UBAP2L: variants seen among roughly 807,000 people sequenced by gnomAD.
UBAP2L encodes ubiquitin-associated protein 2-like.
UBAP2L carries 12 observed loss-of-function variants against 130.6 expected under a neutral mutation model. The ratio of observed to expected loss-of-function variants is 0.09; its 90% confidence interval spans 0.06 to 0.15. The LOEUF is 0.15. UBAP2L is among the 10% of genes least tolerant of loss of function. UBAP2L has a pLI of 1.00. For missense variants in UBAP2L, 965 were observed against 1,332.5 expected (o/e 0.72, Z 4.29); for synonymous variants, 503 against 524.7 (o/e 0.96, Z 0.57).
chr1:154,235,385 C>A, intron 6 of UBAP2L, 94 bp downstream of exon 6: 2 of 616,920 alleles, frequency 3.2e-6, no homozygotes, highest in East Asian at 2.9e-5. Context: ...GAGGTAGTCT[C>A]ACTCTCACCC....
Position 154,268,948 on chromosome 1 carries a change from T to C in UBAP2L, c.3162T>C (p.Asp1054=), listed in dbSNP as rs370596774. ...SQILHHHLQQ[D]GQTGSGQRSQ... ...TCCTTCACCATCACCTGCAGCAGGA[T>C]GGCCAGGTAATAGCCCTTCCCCTTC... The change falls in exon 26 of 27, where the codon GAT becomes GAC. Residue 1054 remains aspartate, a synonymous_variant. Transcript: ENST00000428931. 39 of 1,613,254 alleles carry C rather than the reference T, an allele frequency of 2.4e-5. No individual in the cohort carries two copies. The highest frequency in any genetic ancestry group is 3.2e-5 in the Non-Finnish European group (38 of 1,179,780).
chr1:154,230,041 T>C (rs1571624748), intron 4 of UBAP2L, among the ~76,000 whole-genome samples: 1 of 151,276 alleles, frequency 6.6e-6, no homozygotes, highest in Non-Finnish European at 1.5e-5. Context: ...TTTGAGACGG[T>C]GTCTCTCTCT....
chr1:154,251,816 G>A (rs1272443112), intron 14 of UBAP2L, among the ~76,000 whole-genome samples, 163 bp downstream of exon 14: 1 of 152,090 alleles, frequency 6.6e-6, no homozygotes, highest in East Asian at 1.9e-4. Context: ...TGTTATTAGG[G>A]TTATCTGTAA....
chr1:154,253,576 G>A (rs1678590910), intron 14 of UBAP2L, among the ~76,000 whole-genome samples: 1 of 151,574 alleles, frequency 6.6e-6, no homozygotes, highest in South Asian at 2.1e-4. Context: ...TAGAGACCAT[G>A]TTAGCCAGGA....
chr1:154,228,930 A>G (rs1381151537), intron 4 of UBAP2L, among the ~76,000 whole-genome samples: 2 of 152,216 alleles, frequency 1.3e-5, no homozygotes, highest in African/African-American at 4.8e-5. Context: ...GATAATGCTC[A>G]TAGGAGAAAA....
intron 5 of UBAP2L, 59 bp from the exon 6 acceptor site, chr1:154,235,137 C>T: frequency 1.4e-6 from 1 of 709,450 alleles, no homozygotes; most frequent in East Asian, 2.7e-5. Flanking sequence ...TGTGCTCTGG[C>T]CATCTGTGGT....
intron 24 of UBAP2L, chr1:154,263,458 CAA>C: frequency 8.5e-7 from 1 of 1,177,756 alleles, no homozygotes; most frequent in Non-Finnish European, 1.0e-6. Context: ...CAACTTGTAA[CAA>C]AAATATTTGT....
In UBAP2L at chr1:154,253,975, C is replaced by G. The variant is rs1222109749; in HGVS notation, c.1740C>G (p.Thr580=). 1.9e-6 allele frequency: 3 copies of G among 1,614,094 alleles called. No individual in the cohort carries two copies. In the Admixed American group the frequency reaches 5.0e-5, roughly 27 times the overall value. The change falls in exon 15 of 27, where the codon ACC becomes ACG. Residue 580 remains threonine (T), a synonymous_variant. Coordinates refer to ENST00000428931, the MANE Select transcript of UBAP2L (RefSeq NM_014847.4). The part of the protein sequence containing the change: ...GYQSGPIQST[T]YTSQNNAQGP... ...AGAGCGGCCCAATTCAGTCGACAAC[C>G]TATACCTCCCAAAATAATGCTCAGG... is the stretch of plus-strand genomic sequence containing the variant.
chr1:154,233,242 T>A (rs1019968395), intron 4 of UBAP2L, among the ~76,000 whole-genome samples: 4 of 151,998 alleles, frequency 2.6e-5, no homozygotes, highest in Non-Finnish European at 4.4e-5. Flanking sequence ...CTCAAACTCT[T>A]GACCTCAGGC....
At chr1:154,254,739 GA>G in intron 15 of UBAP2L, 96 bp from the exon 16 acceptor site, 3 of 1,306,140 alleles carry the variant, frequency 2.3e-6, no homozygotes, top group Non-Finnish European at 3.2e-6. Context: ...TTCTCCTAAA[GA>G]TTTGTTGACC....
Position 154,260,884 on chromosome 1 carries a change from T to C in UBAP2L, c.2579-8T>C, listed in dbSNP as rs748869438. ...AGAGGCAGGTACATTTAGCTTCTCC[T>C]GTCACAGGTGACCTCACAAAGTTCG... On this transcript the variant is annotated splice_region_variant and splice_polypyrimidine_tract_variant and intron_variant, in intron 22 of 26. Transcript: ENST00000428931. 1 of 1,613,930 alleles carries C rather than the reference T, an allele frequency of 6.2e-7. No individual in the cohort carries two copies. Among genetic ancestry groups the C allele is most frequent in the Non-Finnish European group, 8.5e-7 (1 of 1,179,908 alleles).
In UBAP2L at chr1:154,237,012, T is replaced by C. The variant is rs1291350668; in HGVS notation, c.591-12T>C. The C allele has an allele frequency of 1.2e-6, 2 of 1,610,358 alleles. No homozygotes were observed. Among genetic ancestry groups the C allele is most frequent in the African/African-American group, 2.7e-5 (2 of 74,842 alleles). ...TTAGAGGTCAGAGACTCTTAAGTTTTATTTTTTCCAGAACCTTTAACCCAG... is the reference window on the plus strand; with the variant it reads ...TTAGAGGTCAGAGACTCTTAAGTTTCATTTTTTCCAGAACCTTTAACCCAG... On this transcript the variant is annotated splice_polypyrimidine_tract_variant and intron_variant, in intron 7 of 26. Coordinates refer to ENST00000428931, the MANE Select transcript of UBAP2L (RefSeq NM_014847.4).
chr1:154,236,421 A>C (rs1481879231), intron 6 of UBAP2L, 145 bp from the exon 7 acceptor site: 1 of 806,680 alleles, frequency 1.2e-6, no homozygotes, highest in East Asian at 2.5e-5. Context: ...CTGGTCTCGA[A>C]CTTCTGGATG....
intron 11 of UBAP2L, among the ~76,000 whole-genome samples, chr1:154,246,834 C>T (rs969850615): frequency 6.6e-6 from 1 of 151,988 alleles, no homozygotes; most frequent in Non-Finnish European, 1.5e-5. Flanking sequence ...CCATTTCTGC[C>T]ACTTACTAGC....
rs1684445943 is a variant in UBAP2L at position 154,270,185 on chromosome 1, C to T, written c.3169-15C>T. On this transcript the variant is annotated splice_polypyrimidine_tract_variant and intron_variant, in intron 26 of 26. Coordinates refer to ENST00000428931, the MANE Select transcript of UBAP2L (RefSeq NM_014847.4). ...ACACCTTTTTCCTCCTCATGATCCT[C>T]CCATTCCCCTGCAGACGGGCAGCGG... is the stretch of plus-strand genomic sequence containing the variant. 14 of 1,588,636 alleles carry T rather than the reference C, an allele frequency of 8.8e-6. No individual in the cohort carries two copies. The highest frequency in any genetic ancestry group is 1.2e-5 in the Non-Finnish European group (14 of 1,165,590).
chr1:154,254,709 T>C, intron 15 of UBAP2L, 127 bp from the exon 16 acceptor site: 1 of 1,038,198 alleles, frequency 9.6e-7, no homozygotes, highest in Non-Finnish European at 1.4e-6. Flanking sequence ...ATATTAATCC[T>C]TTTGGTTAAT....
chr1:154,250,914 A>G lies in UBAP2L; in HGVS notation c.1214-127A>G, dbSNP rs919077095. The G allele has an allele frequency of 3.5e-5, 34 of 972,546 alleles. No individual in the cohort carries two copies. The Middle Eastern group carries it at 1.0e-3, about 29-fold the overall frequency. The allele number at this position is 972,546 out of a possible 1,614,324, so 60.2% of individuals were successfully genotyped here. On this transcript the variant is annotated intron_variant, in intron 12 of 26. Transcript: ENST00000428931. ...CCTATAGAAATGAGATTAAGCCCCA[A>G]AAGAGGGCCTGCTTATATGAGTTTC...
At chr1:154,263,312 T>C in intron 24 of UBAP2L, 3 of 1,431,472 alleles carry the variant, frequency 2.1e-6, no homozygotes, top group South Asian at 3.1e-5. Flanking sequence ...GCTTTTGAAC[T>C]TGCCCCTCCC....
chr1:154,233,474 A>G (rs909718255), intron 4 of UBAP2L, among the ~76,000 whole-genome samples: 1 of 151,296 alleles, frequency 6.6e-6, no homozygotes, highest in Non-Finnish European at 1.5e-5. Context: ...ACAGGTGCGC[A>G]CCACCACACC....
Sources: allele counts gnomAD v4.1 joint callset (sites outside exome capture counted in the v4.1 genomes callset), GRCh38; gene constraint gnomAD v4.1.1; transcripts MANE v1.5; gene names NCBI Gene and HGNC (gene_info 2026-07-23, HGNC 2026-07-21).